The following KIZ variants were observed in gnomAD, a reference collection of about 807,000 sequenced individuals.
KIZ encodes the protein kizuna centrosomal protein.
A neutral mutation model predicts 79.6 loss-of-function variants in KIZ; 68 were observed. The ratio of observed to expected loss-of-function variants is 0.85; its 90% CI spans 0.70 to 1.05. The LOEUF is 1.05. Ranked by LOEUF, KIZ falls within the 50% of genes least tolerant of loss-of-function variation. KIZ has a pLI of 0.00. For missense variants in KIZ, 797 were observed against 800.4 expected, an observed-to-expected ratio of 1.00 and a Z score of 0.05; for synonymous variants, 280 against 281.8, an observed-to-expected ratio of 0.99 and a Z score of 0.06.
chr20:21,130,103 C>G (rs2031743794), intron 1 of KIZ, among the ~76,000 whole-genome samples: 1 of 152,204 alleles, frequency 6.6e-6, no homozygotes, highest in Non-Finnish European at 1.5e-5. Flanking sequence ...AACGATGCTC[C>G]CTTTTTTTTC....
intron 3 of KIZ, among the ~76,000 whole-genome samples, chr20:21,137,660 G>T: frequency 6.6e-6 from 1 of 151,538 alleles, no homozygotes; most frequent in Non-Finnish European, 1.5e-5. Flanking sequence ...GCCATTGAAA[G>T]TCTGCTGCAG....
At chr20:21,224,293 A>T (rs1452140224) in intron 9 of KIZ, among the ~76,000 whole-genome samples, 2 of 152,190 alleles carry the variant, frequency 1.3e-5, no homozygotes, top group Admixed American at 1.3e-4. Context: ...TTTTTATTTA[A>T]GCAGATTACT....
chr20:21,223,920 C>T (rs1015257240), intron 9 of KIZ, among the ~76,000 whole-genome samples: 99 of 151,566 alleles, frequency 6.5e-4, no homozygotes, highest in Middle Eastern at 3.4e-3. Flanking sequence ...TCAAGTGATC[C>T]ACCCACCTTA....
At chr20:21,235,100 G>A (rs890461856) in intron 11 of KIZ, among the ~76,000 whole-genome samples, 1 of 152,202 alleles carries the variant, frequency 6.6e-6, no homozygotes. Context: ...CTGTTGAAAA[G>A]CCAGAGAAAG....
Position 21,203,520 on chromosome 20 carries a change from A to G in KIZ, c.1353-1971A>G, listed in dbSNP as rs533677289. Among the ~76,000 whole-genome samples, 6 of 152,312 alleles carry G rather than the reference A, an allele frequency of 3.9e-5. No individual in the cohort carries two copies. In the East Asian group the frequency reaches 7.7e-4, roughly 20 times the overall value. On this transcript the variant is annotated intron_variant, in intron 6 of 12. Coordinates refer to ENST00000619189, the MANE Select transcript of KIZ (RefSeq NM_018474.6). ...GATGACTTCAGGACAGAAGTTTACT[A>G]TTATGTAATTTTCACAAAATTATGA...
At chr20:21,153,176 C>T (rs1192754499) in intron 4 of KIZ, among the ~76,000 whole-genome samples, 1 of 152,110 alleles carries the variant, frequency 6.6e-6, no homozygotes, top group Non-Finnish European at 1.5e-5. Flanking sequence ...TCCTTGTCAC[C>T]TCGTACATGC....
intron 11 of KIZ, 139 bp from the exon 12 acceptor site, chr20:21,244,106 C>T (rs2037311771): frequency 2.9e-6 from 2 of 691,712 alleles, no homozygotes; most frequent in African/African-American, 3.6e-5. Context: ...TTTCCCTTTA[C>T]TTTTAAACTC....
intron 7 of KIZ, among the ~76,000 whole-genome samples, chr20:21,212,635 C>T (rs763297517): frequency 8.5e-5 from 13 of 152,284 alleles, no homozygotes; most frequent in African/African-American, 1.9e-4. Flanking sequence ...ATTGAAGGAG[C>T]GTCTGTGTAC....
In KIZ at chr20:21,162,843, C is replaced by A; in HGVS notation, c.1043-7C>A. The A allele has an allele frequency of 6.2e-7, 1 of 1,608,210 alleles. No homozygotes were observed. Among genetic ancestry groups the A allele is most frequent in the Middle Eastern group, 1.7e-4 (1 of 6,024 alleles). ...GATTGGTAATCAGTTCATGTCGCCACTTGCAGATCATCTTGCTCACAGGGA... is the reference window on the plus strand; with the variant it reads ...GATTGGTAATCAGTTCATGTCGCCAATTGCAGATCATCTTGCTCACAGGGA... On this transcript the variant is annotated splice_region_variant and splice_polypyrimidine_tract_variant and intron_variant, in intron 5 of 12. Transcript: ENST00000619189.
At chr20:21,181,384 A>G (rs2034648888) in intron 6 of KIZ, among the ~76,000 whole-genome samples, 2 of 152,152 alleles carry the variant, frequency 1.3e-5, no homozygotes, top group South Asian at 4.1e-4. Context: ...CAGGATGCAC[A>G]TTTGTCATTT....
intron 6 of KIZ, among the ~76,000 whole-genome samples, chr20:21,182,248 C>T (rs1014043404): frequency 1.3e-5 from 2 of 152,124 alleles, no homozygotes; most frequent in East Asian, 1.9e-4. Context: ...CTCGCCCCCA[C>T]CGTCTGAGGA....
rs2035509855 is a variant in KIZ at position 21,199,719 on chromosome 20, TC to T, written c.1353-5771del. 3.9e-5 allele frequency among the ~76,000 whole-genome samples: 6 copies of T among 152,354 alleles called. No individual in the cohort carries two copies. In the South Asian group the frequency reaches 1.2e-3, roughly 32 times the overall value. ...TGAAATAGACCTATCTGCTTTGTGA[TC>T]ATCACCTGGCCAGTTTGATCAACCA... On this transcript the variant is annotated intron_variant, in intron 6 of 12. Transcript: ENST00000619189.
intron 7 of KIZ, among the ~76,000 whole-genome samples, chr20:21,206,197 T>C (rs989524594): frequency 2.6e-5 from 4 of 152,220 alleles, no homozygotes; most frequent in Non-Finnish European, 5.9e-5. Flanking sequence ...TAGTCATTCA[T>C]GTCAATTCAG....
rs560107787 is a variant in KIZ, at chr20:21,218,867, AC to A, written c.1678+3222del. On this transcript the variant is annotated intron_variant, in intron 9 of 12. Transcript: ENST00000619189. ...TTTTGGGCTACCTTAGTGTAACTAC[AC>A]CCAGATGTTATGACTGACAGCTGCT... Among the ~76,000 whole-genome samples the A allele has an allele frequency of 1.7e-3, 260 of 152,302 alleles. 1 individual carries two copies. The highest frequency in any genetic ancestry group is 2.8e-3 in the Non-Finnish European group (192 of 68,024).
chr20:21,145,672 TA>T lies in KIZ; in HGVS notation c.405+20del. ...GAGAAAAGGTAATAAACTAAATTGGTAACCTTTCTGTTAACAGAGGAATTCT... is the reference window on the plus strand; with the variant it reads ...GAGAAAAGGTAATAAACTAAATTGGTACCTTTCTGTTAACAGAGGAATTCT... On this transcript the variant is annotated intron_variant, in intron 4 of 12. Transcript: ENST00000619189. 1 of 1,156,658 alleles carries T rather than the reference TA, an allele frequency of 8.6e-7. No homozygotes were observed. Among genetic ancestry groups the T allele is most frequent in the Non-Finnish European group, 1.2e-6 (1 of 813,138 alleles). The allele number at this position is 1,156,658 out of a possible 1,614,324, so 71.6% of individuals were successfully genotyped here.
intron 11 of KIZ, among the ~76,000 whole-genome samples, chr20:21,243,308 GA>G (rs5840910): frequency 2.0e-5 from 3 of 149,834 alleles, no homozygotes; most frequent in African/African-American, 4.9e-5. Flanking sequence ...ATGTTTTTCT[GA>G]AAAAAAAAAG....
At chr20:21,156,541 A>G (rs987925935) in intron 4 of KIZ, among the ~76,000 whole-genome samples, 20 of 152,162 alleles carry the variant, frequency 1.3e-4, no homozygotes, top group Admixed American at 2.6e-4. Flanking sequence ...AGCAGAAACA[A>G]TTATGTATAG....
At chr20:21,180,053 T>C (rs930325640) in intron 6 of KIZ, among the ~76,000 whole-genome samples, 7 of 152,206 alleles carry the variant, frequency 4.6e-5, no homozygotes, top group African/African-American at 1.7e-4. Flanking sequence ...GTTCTGTATA[T>C]GTTTGTTAGG....
At chr20:21,126,792 T>G (rs1308849272) in intron 1 of KIZ, among the ~76,000 whole-genome samples, 1 of 152,080 alleles carries the variant, frequency 6.6e-6, no homozygotes, top group Non-Finnish European at 1.5e-5. Context: ...TGCCTTTGAT[T>G]AAGATATGAA....
Sources: allele counts gnomAD v4.1 joint callset (sites outside exome capture counted in the v4.1 genomes callset), GRCh38; gene constraint gnomAD v4.1.1; transcripts MANE v1.5; gene names NCBI Gene and HGNC (gene_info 2026-07-23, HGNC 2026-07-21).